Variants in ZGLP1 observed in about 807,000 individuals in gnomAD.
ZGLP1 encodes zinc finger GATA like protein 1.
In ZGLP1, 11 loss-of-function variants were observed where a neutral mutation model predicts 21.4. That is an observed-to-expected ratio of 0.51 (90% CI 0.32 to 0.85). The LOEUF is 0.85. Ranked by LOEUF, ZGLP1 falls within the 40% of genes least tolerant of loss-of-function variation. The pLI, the probability that ZGLP1 is intolerant of heterozygous loss-of-function variation, is 0.03. For synonymous variants in ZGLP1, 148 were observed against 145.0 expected, an observed-to-expected ratio of 1.02 and a Z score of -0.15; for missense variants, 295 against 355.6, an observed-to-expected ratio of 0.83 and a Z score of 1.37.
chr19:10,308,686 A>C, exon 1 of ZGLP1: 1 of 1,486,330 alleles, frequency 6.7e-7, no homozygotes, highest in Non-Finnish European at 9.0e-7. Context: ...AGTCATTTCT[A>C]ACTCTGGGTG....
At chr19:10,308,332 C>G (rs752618899) in exon 1 of ZGLP1, 1 of 1,610,676 alleles carries the variant, frequency 6.2e-7, no homozygotes, top group East Asian at 2.2e-5. Flanking sequence ...CGAGGGAGTC[C>G]CCGGGGGCTG....
chr19:10,308,444 G>A (rs1233008655), exon 1 of ZGLP1: 14 of 1,609,884 alleles, frequency 8.7e-6, no homozygotes, highest in Admixed American at 3.4e-5. Context: ...TCCCAGCAAG[G>A]CCCCAGGACC....
At chr19:10,307,518 T>TG (rs200752817) in intron 1 of ZGLP1, among the ~76,000 whole-genome samples, 3 of 147,448 alleles carry the variant, frequency 2.0e-5, no homozygotes, top group African/African-American at 7.4e-5. Context: ...CCCAGCTAGT[T>TG]TTTTTTTTTT....
In ZGLP1 at chr19:10,305,419, C is replaced by T. The variant is rs1334191147; in HGVS notation, c.669G>A (p.Gly223=). ...TCCCACAGGCGTTGCAGAGAGGGGTCCCATCTTCAGCGTCTCTCCAGAGCG... is the reference window on the plus strand; with the variant it reads ...TCCCACAGGCGTTGCAGAGAGGGGTTCCATCTTCAGCGTCTCTCCAGAGCG... Residue 223 remains glycine, a synonymous_variant, in exon 3 of 4, where the codon GGG becomes GGA. Transcript: ENST00000403903. This position sits in a 1 kb window ranked among gnomAD's most constrained non-coding sequence, Gnocchi z 4.7. 3 of 1,599,878 alleles carry T rather than the reference C, an allele frequency of 1.9e-6. No homozygotes were observed. Among genetic ancestry groups the T allele is most frequent in the Non-Finnish European group, 2.6e-6 (3 of 1,173,212 alleles).
At chr19:10,308,043 G>T in intron 1 of ZGLP1, 142 bp downstream of exon 2, 1 of 1,209,086 alleles carries the variant, frequency 8.3e-7, no homozygotes, top group Non-Finnish European at 1.1e-6. Flanking sequence ...ACCAGCTCAA[G>T]TTGTCAACCA....
At chr19:10,306,414 A>AATT (rs959716302) in intron 1 of ZGLP1, among the ~76,000 whole-genome samples, 5 of 151,618 alleles carry the variant, frequency 3.3e-5, no homozygotes, top group Admixed American at 1.3e-4. Flanking sequence ...TGCCCGACCT[A>AATT]ATTATTATTA....
In ZGLP1 at chr19:10,305,788, G is replaced by A. The variant is rs1438100053; in HGVS notation, c.604+58C>T. Reference sequence around the variant, plus strand: ...GAAGGGGGGGGCAGGGAGAAAGGCAGGGAAGACAGGAAATTGGCCCCCAAA... The same window carrying A: ...GAAGGGGGGGGCAGGGAGAAAGGCAAGGAAGACAGGAAATTGGCCCCCAAA... On this transcript the variant is annotated intron_variant, in intron 2 of 3. Transcript: ENST00000403903. The surrounding 1 kb of genome is among the most constrained non-coding windows in gnomAD (Gnocchi z 4.7). 5.2e-6 allele frequency: 7 copies of A among 1,354,572 alleles called. No individual in the cohort carries two copies. The highest frequency in any genetic ancestry group is 7.2e-6 in the Non-Finnish European group (7 of 967,566). 83.9% of individuals were successfully genotyped at this position (1,354,572 alleles called of 1,614,324 possible).
At chr19:10,307,957 C>T (rs2145043111) in intron 1 of ZGLP1, among the ~76,000 whole-genome samples, 1 of 152,362 alleles carries the variant, frequency 6.6e-6, no homozygotes, top group South Asian at 2.1e-4. Flanking sequence ...AAGGCCAGGC[C>T]TGATTCCTAA....
Position 10,305,136 on chromosome 19 carries a change from T to C in ZGLP1, c.771A>G (p.Leu257=), listed in dbSNP as rs114810281. 1.2e-3 allele frequency: 1,864 copies of C among 1,613,978 alleles called. 18 individuals carry two copies. The African/African-American group carries it at 0.023, about 20-fold the overall frequency. Residue 257 remains leucine (L), a synonymous_variant, in exon 4 of 4, where the codon CTA becomes CTG. Transcript: ENST00000403903. The surrounding 1 kb of genome is among the most constrained non-coding windows in gnomAD (Gnocchi z 4.7). ...CCAGGGACACTCCACATCTGCCACA[T>C]AGCCTCTTGGGCTGGACATTTTTCC...
At chr19:10,306,787 C>T (rs1194891191) in intron 1 of ZGLP1, among the ~76,000 whole-genome samples, 1 of 151,856 alleles carries the variant, frequency 6.6e-6, no homozygotes, top group African/African-American at 2.4e-5. Context: ...TGCACTCCAC[C>T]CTGGGTGACA....
exon 1 of ZGLP1, chr19:10,309,492 C>A (rs1214667308): frequency 6.5e-6 from 1 of 152,676 alleles, no homozygotes; most frequent in Admixed American, 6.5e-5. Flanking sequence ...CCATTGCGCC[C>A]CAGCCCAGCC....
chr19:10,308,928 C>T, exon 1 of ZGLP1: 1 of 342,088 alleles, frequency 2.9e-6, no homozygotes, highest in Non-Finnish European at 5.3e-6. Flanking sequence ...GTACCCCCGC[C>T]TGGAGTGCAG....
rs1443684244 is a variant in ZGLP1 at position 10,305,822 on chromosome 19, A to G, written c.604+24T>C. ...GGAAATTGGCCCCCAAAATATTTAT[A>G]GCTCTTGGGTTTTCAGGACTCACCC... On this transcript the variant is annotated intron_variant, in intron 2 of 3. Transcript: ENST00000403903. This position sits in a 1 kb window ranked among gnomAD's most constrained non-coding sequence, Gnocchi z 4.7. 6.5e-7 allele frequency: 1 copy of G among 1,531,732 alleles called. No homozygotes were observed. The highest frequency in any genetic ancestry group is 1.4e-5 in the African/African-American group (1 of 72,598). 94.9% of individuals were successfully genotyped at this position (1,531,732 alleles called of 1,614,324 possible). A position where few individuals can be genotyped will look rare whatever the true frequency, so the allele number is the denominator to read the frequency against.
chr19:10,307,083 G>A (rs1297273266), intron 1 of ZGLP1, among the ~76,000 whole-genome samples: 1 of 150,546 alleles, frequency 6.6e-6, no homozygotes, highest in Non-Finnish European at 1.5e-5. Context: ...GCAGTGAGCC[G>A]AGATTGTGTC....
Position 10,305,553 on chromosome 19 carries a change from T to C in ZGLP1, c.605-70A>G. 7.2e-7 allele frequency: 1 copy of C among 1,390,084 alleles called. No individual in the cohort carries two copies. The highest frequency in any genetic ancestry group is 2.5e-5 in the East Asian group (1 of 40,494). The allele number at this position is 1,390,084 out of a possible 1,614,324, so 86.1% of individuals were successfully genotyped here. ...GTGAGCTCGGGATGCCTGTGCGGAG[T>C]CGGGCATTTTGTGGGGGTCTCAGTA... On this transcript the variant is annotated intron_variant, in intron 2 of 3. Transcript: ENST00000403903. This position sits in a 1 kb window ranked among gnomAD's most constrained non-coding sequence, Gnocchi z 4.7.
chr19:10,306,706 T>C (rs1242005372), intron 1 of ZGLP1, among the ~76,000 whole-genome samples: 1 of 151,540 alleles, frequency 6.6e-6, no homozygotes, highest in Non-Finnish European at 1.5e-5. Flanking sequence ...TCCCAGCTAG[T>C]TGGGAGGCTG....
rs2040287850 is a variant in ZGLP1, at chr19:10,307,776, A to G, written c.497+409T>C. The stretch of plus-strand genomic sequence containing the variant: ...GGTGATCTGCTCGCCTTGGCCTCCC[A>G]AAGTGATGGGATTATAGGCGTGAGC... On this transcript the variant is annotated intron_variant, in intron 1 of 3. Transcript: ENST00000403903. Among the ~76,000 whole-genome samples the G allele has an allele frequency of 3.3e-5, 5 of 152,238 alleles. No individual in the cohort carries two copies. In the South Asian group the frequency reaches 1.0e-3, roughly 31 times the overall value.
chr19:10,305,270 A>G lies in ZGLP1; in HGVS notation c.699-62T>C. 1.9e-6 allele frequency: 3 copies of G among 1,582,852 alleles called. No homozygotes were observed. Among genetic ancestry groups the G allele is most frequent in the Non-Finnish European group, 2.6e-6 (3 of 1,153,656 alleles). On this transcript the variant is annotated intron_variant, in intron 3 of 3. Coordinates refer to ENST00000403903, the Ensembl canonical transcript of ZGLP1. The surrounding 1 kb of genome is among the most constrained non-coding windows in gnomAD (Gnocchi z 4.7). Reference sequence around the variant, plus strand: ...CAGTGGGGGCCCGGAAACCGCCACAAGGAAACCACTTTTCCCAAGAGGTAG... The same window carrying G: ...CAGTGGGGGCCCGGAAACCGCCACAGGGAAACCACTTTTCCCAAGAGGTAG...
chr19:10,305,744 A>T lies in ZGLP1; in HGVS notation c.604+102T>A. On this transcript the variant is annotated intron_variant, in intron 2 of 3. Transcript: ENST00000403903. The surrounding 1 kb of genome is among the most constrained non-coding windows in gnomAD (Gnocchi z 4.7). ...CTGCGACTCCTCCCTGAGGGCTCTA[A>T]ATGGGGAAGCAAGATGGAGAAGGGG... The T allele has an allele frequency of 9.9e-7, 1 of 1,008,218 alleles. No homozygotes were observed. Among genetic ancestry groups the T allele is most frequent in the Non-Finnish European group, 1.5e-6 (1 of 659,144 alleles). The allele number at this position is 1,008,218 out of a possible 1,614,324, so 62.5% of individuals were successfully genotyped here. A position where few individuals can be genotyped will look rare whatever the true frequency, so the allele number is the denominator to read the frequency against.
Sources: allele counts gnomAD v4.1 joint callset (sites outside exome capture counted in the v4.1 genomes callset), GRCh38; gene constraint gnomAD v4.1.1; non-coding constraint Gnocchi (gnomAD v3.1); transcripts MANE v1.5; gene names NCBI Gene and HGNC (gene_info 2026-07-23, HGNC 2026-07-21).